KIAA1210: variants seen among roughly 807,000 people sequenced by gnomAD.
KIAA1210 encodes the protein acrosomal protein KIAA1210.
In KIAA1210, 48 loss-of-function variants were observed where a neutral mutation model predicts 78.9. The ratio of observed to expected loss-of-function variants is 0.61; its 90% CI spans 0.48 to 0.77. The LOEUF is 0.77. KIAA1210 is among the 30% of genes least tolerant of loss of function. KIAA1210 has a pLI of 0.00. For synonymous variants in KIAA1210, 406 were observed against 404.5 expected (o/e 1.00, Z -0.04); for missense variants, 1,108 against 1,100.0 (o/e 1.01, Z -0.10).
chrX:119,130,414 C>T (rs190760920), upstream of KIAA1210, among the ~76,000 whole-genome samples: 209 of 112,978 alleles, frequency 1.8e-3, no homozygotes, highest in Middle Eastern at 9.1e-3. Flanking sequence ...ACCGGCCACC[C>T]ATGCCCCATG....
At chrX:119,149,701 C>T (rs920151700) in intron 1 of KIAA1210, among the ~76,000 whole-genome samples, 4 of 112,342 alleles carry the variant, frequency 3.6e-5, no homozygotes, top group Non-Finnish European at 7.5e-5. Context: ...AAAAACAACA[C>T]TGTGGACACA....
intron 2 of KIAA1210, among the ~76,000 whole-genome samples, chrX:119,117,081 A>T (rs1928294225): frequency 8.9e-6 from 1 of 112,498 alleles, no homozygotes; most frequent in African/African-American, 3.2e-5. Context: ...GGCTGGAGTC[A>T]TTGCAATCCA....
chrX:119,082,063 T>C (rs1208403157), intron 11 of KIAA1210, among the ~76,000 whole-genome samples: 1 of 111,882 alleles, frequency 8.9e-6, no homozygotes, highest in African/African-American at 3.2e-5. Context: ...TTATGGTCAA[T>C]TGACTTAGTG....
At chrX:119,118,184 G>A (rs759056486) in intron 2 of KIAA1210, among the ~76,000 whole-genome samples, 1 of 111,881 alleles carries the variant, frequency 8.9e-6, no homozygotes, top group Admixed American at 9.4e-5. Context: ...AGGCTTAATG[G>A]TGTAATGGAA....
intron 8 of KIAA1210, among the ~76,000 whole-genome samples, chrX:119,092,170 T>C (rs1428647576): frequency 5.4e-5 from 6 of 112,019 alleles, no homozygotes; most frequent in African/African-American, 2.0e-4. Flanking sequence ...ATTGCATTGG[T>C]CCACAGGCTT....
chrX:119,132,074 A>C (rs777037504), upstream of KIAA1210, among the ~76,000 whole-genome samples: 1 of 111,397 alleles, frequency 9.0e-6, no homozygotes, highest in East Asian at 2.8e-4. Flanking sequence ...GAGGGGGAAC[A>C]AAAGGAAATC....
rs775573626 is a variant in KIAA1210 at position 119,093,984 on chromosome X, C to T, written c.847-209G>A. ...CAAGAGATCCTTGGGGATCATTTTACCTACTGGAAGTGGTTCATCCAGGTT... is the reference window on the plus strand; with the variant it reads ...CAAGAGATCCTTGGGGATCATTTTATCTACTGGAAGTGGTTCATCCAGGTT... On this transcript the variant is annotated intron_variant, in intron 7 of 11. Coordinates refer to ENST00000691062, the MANE Select transcript of KIAA1210 (RefSeq NM_001394962.1). 1.1e-5 allele frequency: 12 copies of T among 1,133,843 alleles called. No individual in the cohort carries two copies. The South Asian group carries it at 2.0e-4, about 19-fold the overall frequency. The allele number at this position is 1,133,843 out of a possible 1,213,427, so 93.4% of individuals were successfully genotyped here.
In KIAA1210 at chrX:119,080,872, T is replaced by G. The variant is rs1032104537; in HGVS notation, c.*457A>C. On this transcript the variant is annotated 3_prime_UTR_variant, in exon 12 of 12. Transcript: ENST00000691062. ...ATAAATTCTTATTTTGCTTAATAAA[T>G]TCTTAGTTTGCTTAATACTTATTTT... The G allele has an allele frequency of 8.9e-6, 1 of 112,968 alleles. No homozygotes were observed. Among genetic ancestry groups the G allele is most frequent in the African/African-American group, 3.2e-5 (1 of 31,028 alleles). The allele number at this position is 112,968 out of a possible 1,213,427, so 9.3% of individuals were successfully genotyped here.
chrX:119,120,524 CAACA>C (rs991585162), intron 2 of KIAA1210, among the ~76,000 whole-genome samples: 4 of 112,019 alleles, frequency 3.6e-5, no homozygotes, highest in Admixed American at 9.4e-5. Flanking sequence ...ATAATGAATT[CAACA>C]AACAATCATT....
At chrX:119,082,310 C>G (rs12558675) in intron 11 of KIAA1210, among the ~76,000 whole-genome samples, 4,790 of 108,210 alleles carry the variant, frequency 0.044, 115 homozygotes, top group Middle Eastern at 0.083. Context: ...AAGCTGTGAG[C>G]AAGTCAACTG....
At chrX:119,122,186 C>G (rs1928488708) in intron 2 of KIAA1210, among the ~76,000 whole-genome samples, 1 of 106,640 alleles carries the variant, frequency 9.4e-6, no homozygotes, top group East Asian at 3.0e-4. Flanking sequence ...TTGCCTCAGC[C>G]TCCCGAGTAG....
intron 7 of KIAA1210, 73 bp downstream of exon 7, chrX:119,096,421 T>C (rs776150842): frequency 1.1e-4 from 104 of 929,983 alleles, no homozygotes; most frequent in Non-Finnish European, 1.3e-4. Flanking sequence ...ATTTCCCTAG[T>C]AGTAGTTTGC....
Position 119,081,016 on chromosome X carries a change from G to A in KIAA1210, c.*313C>T, listed in dbSNP as rs938726363. On this transcript the variant is annotated 3_prime_UTR_variant, in exon 12 of 12. Coordinates refer to ENST00000691062, the MANE Select transcript of KIAA1210 (RefSeq NM_001394962.1). ...GCGGTGGCTCACGCCTGTAATCCCAGCTTTTGGGAGGCTGAGGCGGGCGGA... is the reference window on the plus strand; with the variant it reads ...GCGGTGGCTCACGCCTGTAATCCCAACTTTTGGGAGGCTGAGGCGGGCGGA... 6.4e-6 allele frequency: 1 copy of A among 156,603 alleles called. No individual in the cohort carries two copies. The highest frequency in any genetic ancestry group is 1.2e-5 in the Non-Finnish European group (1 of 82,328). 12.9% of individuals were successfully genotyped at this position (156,603 alleles called of 1,213,427 possible).
At chrX:119,137,847 C>T (rs963781482) in intron 2 of KIAA1210, among the ~76,000 whole-genome samples, 8 of 111,812 alleles carry the variant, frequency 7.2e-5, no homozygotes, top group African/African-American at 2.6e-4. Flanking sequence ...AGTTGTGGAA[C>T]AAAAAGCTGG....
intron 5 of KIAA1210, among the ~76,000 whole-genome samples, chrX:119,107,534 C>T (rs1927929779): frequency 9.0e-6 from 1 of 111,710 alleles, no homozygotes; most frequent in Non-Finnish European, 1.9e-5. Flanking sequence ...TGCTGTAGTA[C>T]AAGAGGGAAA....
chrX:119,149,292 C>T (rs759229582), intron 1 of KIAA1210, among the ~76,000 whole-genome samples: 11 of 111,641 alleles, frequency 9.9e-5, no homozygotes, highest in African/African-American at 3.6e-4. Flanking sequence ...TGGTCACCCC[C>T]TAAGAAGGCA....
intron 2 of KIAA1210, among the ~76,000 whole-genome samples, chrX:119,116,969 T>C (rs1464413601): frequency 8.9e-6 from 1 of 112,452 alleles, no homozygotes. Context: ...CAATTTCAGC[T>C]ATTAACATAT....
intron 3 of KIAA1210, 30 bp downstream of exon 3, chrX:119,116,466 C>G: frequency 8.3e-7 from 1 of 1,198,867 alleles, no homozygotes. Flanking sequence ...TTCCCCTGTC[C>G]CCATCACTCT....
chrX:119,136,147 A>C (rs1928909501), intron 2 of KIAA1210, among the ~76,000 whole-genome samples: 1 of 112,024 alleles, frequency 8.9e-6, no homozygotes, highest in African/African-American at 3.2e-5. Context: ...TTTGATATAG[A>C]TATCTCCTGC....
Sources: gnomAD v4.1 joint callset for allele counts (sites outside exome capture counted in the v4.1 genomes callset) on GRCh38, gnomAD v4.1.1 for gene constraint, MANE v1.5 for transcripts, NCBI Gene and HGNC (gene_info 2026-07-23, HGNC 2026-07-21) for gene names.